ST8SIA1: variants seen among roughly 807,000 people sequenced by gnomAD.
ST8SIA1 encodes alpha-N-acetylneuraminide alpha-2,8-sialyltransferase.
ST8SIA1 carries 16 observed loss-of-function variants against 35.9 expected under a neutral mutation model. The observed-to-expected ratio is 0.45, with a 90% CI of 0.30 to 0.68. ST8SIA1 has a LOEUF of 0.68. Ranked by LOEUF, ST8SIA1 falls within the 30% of genes least tolerant of loss-of-function variation. The pLI, the probability that ST8SIA1 is intolerant of heterozygous loss-of-function variation, is 0.09. For synonymous variants in ST8SIA1, 170 were observed against 169.6 expected, an observed-to-expected ratio of 1.00 and a Z score of -0.02; for missense variants, 383 against 453.6, an observed-to-expected ratio of 0.84 and a Z score of 1.41.
chr12:22,257,290 C>A (rs1865738544), intron 2 of ST8SIA1, among the ~76,000 whole-genome samples: 2 of 151,846 alleles, frequency 1.3e-5, no homozygotes, highest in African/African-American at 4.8e-5. Context: ...CGGCTCACTG[C>A]AACTCCCACC....
At chr12:22,305,458 G>A (rs1300800810) in intron 1 of ST8SIA1, among the ~76,000 whole-genome samples, 1 of 145,556 alleles carries the variant, frequency 6.9e-6, no homozygotes, top group Non-Finnish European at 1.5e-5. Context: ...TCAGCTCACT[G>A]TAACCTCCAC....
intron 2 of ST8SIA1, among the ~76,000 whole-genome samples, chr12:22,285,885 A>AAAAAAAAAC (rs1866095461): frequency 6.8e-6 from 1 of 147,278 alleles, no homozygotes; most frequent in African/African-American, 2.7e-5. Context: ...AACAAAAAAA[A>AAAAAAAAAC]AAAAAAAAAA....
At chr12:22,233,804 G>GT (rs752517016) in intron 4 of ST8SIA1, among the ~76,000 whole-genome samples, 10 of 152,044 alleles carry the variant, frequency 6.6e-5, no homozygotes, top group Non-Finnish European at 1.0e-4. Flanking sequence ...ACCTCTCAGC[G>GT]TATCAGTTCT....
chr12:22,305,573 G>T (rs1410497483), intron 1 of ST8SIA1, among the ~76,000 whole-genome samples: 1 of 151,914 alleles, frequency 6.6e-6, no homozygotes, highest in Non-Finnish European at 1.5e-5. Context: ...TAGAGACAGG[G>T]TTTCACCATG....
intron 4 of ST8SIA1, among the ~76,000 whole-genome samples, chr12:22,229,105 T>C (rs1008786810): frequency 6.7e-6 from 1 of 150,362 alleles, no homozygotes; most frequent in Admixed American, 6.6e-5. Context: ...ATATTGACTC[T>C]GGATTTTAAA....
At chr12:22,229,638 G>C (rs372261213) in intron 4 of ST8SIA1, among the ~76,000 whole-genome samples, 3 of 114,242 alleles carry the variant, frequency 2.6e-5, no homozygotes, top group Non-Finnish European at 3.8e-5. Flanking sequence ...AAAAAAAAAA[G>C]AATAACTTCA....
Position 22,287,307 on chromosome 12 carries a change from CAG to C in ST8SIA1, c.237-16_237-15del. On this transcript the variant is annotated splice_polypyrimidine_tract_variant and intron_variant, in intron 1 of 4. Transcript: ENST00000396037. ...TCCATTTGTTTCCTAGGAGAGAAAA[CAG>C]AGAGAGAGAAAAGAACAGCAGGTTA... is the stretch of plus-strand genomic sequence containing the variant. 3.1e-6 allele frequency: 5 copies of C among 1,606,646 alleles called. No homozygotes were observed. Among genetic ancestry groups the C allele is most frequent in the South Asian group, 1.1e-5 (1 of 90,374 alleles).
chr12:22,254,938 G>T (rs974206400), intron 3 of ST8SIA1, among the ~76,000 whole-genome samples: 8 of 152,146 alleles, frequency 5.3e-5, no homozygotes, highest in Non-Finnish European at 1.2e-4. Flanking sequence ...CATAGAGAGT[G>T]GTCCTTAAGG....
At chr12:22,225,394 T>C (rs1199301565) in intron 4 of ST8SIA1, among the ~76,000 whole-genome samples, 2 of 152,072 alleles carry the variant, frequency 1.3e-5, no homozygotes, top group South Asian at 2.1e-4. Flanking sequence ...AGTAGGCATG[T>C]GAGGACCAAT....
At position 22,201,141 on chromosome 12, in the gene ST8SIA1, T is replaced by C. The variant is rs2120600956; in HGVS notation, c.*411A>G. On this transcript the variant is annotated 3_prime_UTR_variant, in exon 5 of 5. Transcript: ENST00000396037. The stretch of plus-strand genomic sequence containing the variant: ...CTAAAGCCAGTCTTAATAAGACAGG[T>C]TCTTATTAATATTATTAAGCCAGTT... 6.5e-6 allele frequency: 1 copy of C among 155,030 alleles called. No homozygotes were observed. Among genetic ancestry groups the C allele is most frequent in the East Asian group, 1.9e-4 (1 of 5,232 alleles). The allele number at this position is 155,030 out of a possible 1,614,324, so 9.6% of individuals were successfully genotyped here. A position where few individuals can be genotyped will look rare whatever the true frequency, so the allele number is the denominator to read the frequency against.
At chr12:22,262,717 CACA>C (rs750872027) in intron 2 of ST8SIA1, among the ~76,000 whole-genome samples, 4 of 152,260 alleles carry the variant, frequency 2.6e-5, no homozygotes, top group Non-Finnish European at 2.9e-5. Flanking sequence ...CACAGGAATG[CACA>C]ACATTTTATT....
At chr12:22,254,537 T>TTATCA (rs1025907431) in intron 3 of ST8SIA1, among the ~76,000 whole-genome samples, 9 of 152,270 alleles carry the variant, frequency 5.9e-5, no homozygotes, top group Non-Finnish European at 1.2e-4. Context: ...ACCCAGATAA[T>TTATCA]CCCAAACCTG....
chr12:22,220,534 T>C (rs916117138), intron 4 of ST8SIA1, among the ~76,000 whole-genome samples: 44 of 152,318 alleles, frequency 2.9e-4, no homozygotes, highest in South Asian at 2.1e-4. Flanking sequence ...ACAACTCACA[T>C]GTGCAAAAGT....
chr12:22,257,754 T>C (rs1447153312), intron 2 of ST8SIA1, among the ~76,000 whole-genome samples: 2 of 151,190 alleles, frequency 1.3e-5, no homozygotes, highest in Non-Finnish European at 1.5e-5. Context: ...TATCAGAGAG[T>C]AGACTATTAG....
intron 3 of ST8SIA1, among the ~76,000 whole-genome samples, chr12:22,251,942 A>G (rs1446079509): frequency 1.3e-5 from 2 of 152,196 alleles, no homozygotes; most frequent in African/African-American, 4.8e-5. Flanking sequence ...TTCAAAAGGC[A>G]CCAAAATTAT....
intron 2 of ST8SIA1, among the ~76,000 whole-genome samples, chr12:22,271,779 T>C (rs1450353142): frequency 6.6e-6 from 1 of 152,154 alleles, no homozygotes; most frequent in Non-Finnish European, 1.5e-5. Flanking sequence ...CCTGTCTCCT[T>C]GTTCTCTGCA....
intron 4 of ST8SIA1, among the ~76,000 whole-genome samples, chr12:22,246,558 G>A (rs1031402349): frequency 2.0e-5 from 3 of 152,128 alleles, no homozygotes; most frequent in African/African-American, 7.2e-5. Context: ...GTGGGGGCCG[G>A]GGACCGGTCA....
At chr12:22,222,623 T>C (rs1865312198) in intron 4 of ST8SIA1, among the ~76,000 whole-genome samples, 2 of 151,876 alleles carry the variant, frequency 1.3e-5, no homozygotes, top group South Asian at 4.1e-4. Flanking sequence ...CATATATATA[T>C]ATATACACAT....
chr12:22,283,789 G>A (rs1866063832), intron 2 of ST8SIA1, among the ~76,000 whole-genome samples: 1 of 152,108 alleles, frequency 6.6e-6, no homozygotes, highest in Non-Finnish European at 1.5e-5. Flanking sequence ...GAGTGGTTGG[G>A]AATGACTATT....
Sources: allele counts gnomAD v4.1 joint callset (sites outside exome capture counted in the v4.1 genomes callset), GRCh38; gene constraint gnomAD v4.1.1; transcripts MANE v1.5; gene names NCBI Gene and HGNC (gene_info 2026-07-23, HGNC 2026-07-21).